MSRA: variants seen among roughly 807,000 people sequenced by gnomAD.
The protein encoded by MSRA is methionine sulfoxide reductase A.
MSRA carries 54 observed loss-of-function variants against 31.3 expected under a neutral mutation model. That is an observed-to-expected ratio of 1.73 (90% CI 1.39 to 2.17). The LOEUF (loss-of-function observed/expected upper bound fraction) is 2.17, where lower values mean the gene tolerates loss of function less well. Among genes scored for constraint, MSRA ranks in the 30% most tolerant of loss-of-function variants. The pLI is 0.00. For synonymous variants in MSRA, 169 were observed against 116.5 expected (o/e 1.45, Z -2.90); for missense variants, 507 against 300.9 (o/e 1.69, Z -5.07).
chr8:10,324,095 G>A (rs761339738), intron 5 of MSRA, among the ~76,000 whole-genome samples: 1 of 152,154 alleles, frequency 6.6e-6, no homozygotes, highest in African/African-American at 2.4e-5. Context: ...AGCACCACTC[G>A]CCTTTCCGCC....
At chr8:10,159,893 T>C (rs147260334) in intron 1 of MSRA, among the ~76,000 whole-genome samples, 7 of 152,342 alleles carry the variant, frequency 4.6e-5, no homozygotes, top group African/African-American at 1.7e-4. Context: ...AATTTTGGAT[T>C]ATTAATTCTT....
At chr8:10,124,114 G>C (rs1801324174) in intron 1 of MSRA, among the ~76,000 whole-genome samples, 1 of 152,078 alleles carries the variant, frequency 6.6e-6, no homozygotes, top group African/African-American at 2.4e-5. Context: ...AAGTGATAAA[G>C]ACCACTGGAT....
intron 2 of MSRA, among the ~76,000 whole-genome samples, chr8:10,234,597 TTAAA>T (rs1811790637): frequency 6.6e-6 from 1 of 151,946 alleles, no homozygotes; most frequent in Non-Finnish European, 1.5e-5. Context: ...GGAAAGAAGT[TTAAA>T]TAGCCAGAGT....
intron 5 of MSRA, among the ~76,000 whole-genome samples, chr8:10,402,288 C>G (rs1015095333): frequency 6.6e-6 from 1 of 152,234 alleles, no homozygotes; most frequent in Non-Finnish European, 1.5e-5. Flanking sequence ...TGAGCCTACC[C>G]CTGGAGGGAC....
chr8:10,210,213 A>G (rs1441954372), intron 2 of MSRA, among the ~76,000 whole-genome samples: 2 of 152,148 alleles, frequency 1.3e-5, no homozygotes, highest in African/African-American at 4.8e-5. Flanking sequence ...TGATGGACTC[A>G]TATACTCCTC....
chr8:10,380,122 C>A (rs1012423444), intron 5 of MSRA, among the ~76,000 whole-genome samples: 1 of 152,192 alleles, frequency 6.6e-6, no homozygotes, highest in Non-Finnish European at 1.5e-5. Flanking sequence ...CTATACATCT[C>A]CTCCTGCACA....
chr8:10,409,393 A>T (rs1808019491), intron 5 of MSRA, among the ~76,000 whole-genome samples: 1 of 152,192 alleles, frequency 6.6e-6, no homozygotes, highest in African/African-American at 2.4e-5. Context: ...CCCTCATGAG[A>T]AAGGAGATCA....
chr8:10,200,724 G>A (rs150958080), intron 1 of MSRA, among the ~76,000 whole-genome samples: 2 of 152,150 alleles, frequency 1.3e-5, no homozygotes, highest in Non-Finnish European at 2.9e-5. Flanking sequence ...ACCCACTCTT[G>A]GTTAACTTGC....
intron 1 of MSRA, among the ~76,000 whole-genome samples, chr8:10,173,186 C>G (rs1805748667): frequency 6.6e-6 from 1 of 152,220 alleles, no homozygotes; most frequent in African/African-American, 2.4e-5. Flanking sequence ...TTTGGTTCGA[C>G]TATGTGATCT....
At chr8:10,156,696 C>T (rs1804182717) in intron 1 of MSRA, among the ~76,000 whole-genome samples, 2 of 151,890 alleles carry the variant, frequency 1.3e-5, no homozygotes, top group South Asian at 4.2e-4. Flanking sequence ...CTGCCCCTAC[C>T]AGAGAAATGT....
intron 1 of MSRA, among the ~76,000 whole-genome samples, chr8:10,125,902 A>G (rs921683576): frequency 6.6e-6 from 1 of 152,182 alleles, no homozygotes; most frequent in East Asian, 1.9e-4. Context: ...GCCATTTTAC[A>G]CTAAGACAAA....
chr8:10,185,576 C>T (rs1206672788), intron 1 of MSRA, among the ~76,000 whole-genome samples: 9 of 152,114 alleles, frequency 5.9e-5, no homozygotes, highest in East Asian at 5.8e-4. Flanking sequence ...TGAGTCATTG[C>T]GAGAAGGTCC....
chr8:10,086,642 T>C (rs971619256), intron 1 of MSRA, among the ~76,000 whole-genome samples: 1 of 152,200 alleles, frequency 6.6e-6, no homozygotes, highest in African/African-American at 2.4e-5. Flanking sequence ...GTGTTTCTTA[T>C]TGTGGCGGTT....
At position 10,124,264 on chromosome 8, in the gene MSRA, C is replaced by G. The variant is rs143517601; in HGVS notation, c.142+69606C>G. Among the ~76,000 whole-genome samples the G allele has an allele frequency of 1.5e-4, 23 of 152,276 alleles. No homozygotes were observed. In the East Asian group the frequency reaches 4.1e-3, roughly 27 times the overall value. ...GCAAAGCCATTGATAAATATGGTGA[C>G]AGCTCCAAGAAGATTGGCAGGCGAG... is the stretch of plus-strand genomic sequence containing the variant. On this transcript the variant is annotated intron_variant, in intron 1 of 5. Transcript: ENST00000317173.
chr8:10,250,614 A>C (rs572063693), intron 3 of MSRA: 1 of 625,622 alleles, frequency 1.6e-6, no homozygotes, highest in Admixed American at 2.5e-5. Flanking sequence ...ATTTTCAAGC[A>C]GGCTGTTCAG....
chr8:10,123,136 C>G (rs1306493995), intron 1 of MSRA, among the ~76,000 whole-genome samples: 3 of 152,186 alleles, frequency 2.0e-5, no homozygotes, highest in Non-Finnish European at 4.4e-5. Flanking sequence ...CGAACTAATT[C>G]CCACCAACAG....
chr8:10,356,916 G>C (rs1405545858), intron 5 of MSRA, among the ~76,000 whole-genome samples: 1 of 141,868 alleles, frequency 7.0e-6, no homozygotes, highest in Non-Finnish European at 1.5e-5. Context: ...AAAAATATAT[G>C]TGTCTTTGAA....
chr8:10,084,420 CTCT>C (rs1175406532), intron 1 of MSRA, among the ~76,000 whole-genome samples: 4 of 152,246 alleles, frequency 2.6e-5, no homozygotes, highest in Admixed American at 6.5e-5. Context: ...GTCTTCTGGT[CTCT>C]TCTTCTTTTA....
rs966695935 is a variant in MSRA, at chr8:10,121,756, A to C, written c.142+67098A>C. Among the ~76,000 whole-genome samples the C allele has an allele frequency of 2.0e-5, 3 of 151,874 alleles. No individual in the cohort carries two copies. The East Asian group carries it at 5.8e-4, about 30-fold the overall frequency. ...TATGATCATAGCTTACTACGGCTTC[A>C]GACTCCTAAGCTCAAGCGATCCTCC... On this transcript the variant is annotated intron_variant, in intron 1 of 5. Transcript: ENST00000317173.
Sources: gnomAD v4.1 joint callset for allele counts (sites outside exome capture counted in the v4.1 genomes callset) on GRCh38, gnomAD v4.1.1 for gene constraint, MANE v1.5 for transcripts, NCBI Gene and HGNC (gene_info 2026-07-23, HGNC 2026-07-21) for gene names.